TDRD3: variants seen among roughly 807,000 people sequenced by gnomAD.
TDRD3 encodes the protein tudor domain containing 3, also known as tudor domain-containing protein 3.
A neutral mutation model predicts 86.7 loss-of-function variants in TDRD3; 45 were observed. The observed-to-expected ratio is 0.52, with a 90% CI of 0.41 to 0.67. TDRD3 has a LOEUF of 0.67. TDRD3 is among the 30% of genes least tolerant of loss of function. TDRD3 has a pLI of 0.00. For synonymous variants in TDRD3, 298 were observed against 301.7 expected, an observed-to-expected ratio of 0.99 and a Z score of 0.13; for missense variants, 814 against 889.0, an observed-to-expected ratio of 0.92 and a Z score of 1.07.
intron 11 of TDRD3, among the ~76,000 whole-genome samples, chr13:60,531,464 A>G (rs1957580953): frequency 6.6e-6 from 1 of 152,176 alleles, no homozygotes; most frequent in South Asian, 2.1e-4. Flanking sequence ...TGCTCCTGTG[A>G]AAGGTTAAGG....
At chr13:60,436,178 T>A (rs1266833501) in intron 1 of TDRD3, among the ~76,000 whole-genome samples, 1 of 151,722 alleles carries the variant, frequency 6.6e-6, no homozygotes, top group Non-Finnish European at 1.5e-5. Flanking sequence ...TTTTGCATAG[T>A]TTGCAAATAT....
At chr13:60,518,329 C>CA (rs1957216629) in intron 10 of TDRD3, among the ~76,000 whole-genome samples, 1 of 152,220 alleles carries the variant, frequency 6.6e-6, no homozygotes, top group African/African-American at 2.4e-5. Context: ...TGCATCTTAA[C>CA]ACTGGAGGCT....
intron 10 of TDRD3, among the ~76,000 whole-genome samples, chr13:60,525,166 CT>C (rs71199006): frequency 0.075 from 4,217 of 55,974 alleles, no homozygotes; most frequent in South Asian, 0.11. Context: ...TAAGGGAATT[CT>C]TTTTTTTTTT....
At chr13:60,542,715 C>G (rs9538742) in intron 12 of TDRD3, among the ~76,000 whole-genome samples, 22,875 of 152,120 alleles carry the variant, frequency 0.15, 2,155 homozygotes, top group South Asian at 0.28. Context: ...TATGTCTCTA[C>G]TTAATACTAT....
intron 1 of TDRD3, among the ~76,000 whole-genome samples, chr13:60,405,599 T>C (rs1396966377): frequency 6.6e-6 from 1 of 151,974 alleles, no homozygotes; most frequent in African/African-American, 2.4e-5. Context: ...CTAGGGAGCA[T>C]GGTGAATACA....
intron 5 of TDRD3, among the ~76,000 whole-genome samples, chr13:60,475,732 G>A (rs960991149): frequency 3.3e-5 from 5 of 152,076 alleles, no homozygotes; most frequent in South Asian, 2.1e-4. Context: ...TTTAATAATA[G>A]CCATTCTGTT....
intron 7 of TDRD3, among the ~76,000 whole-genome samples, chr13:60,493,500 A>G (rs1956646319): frequency 1.3e-5 from 2 of 152,060 alleles, no homozygotes; most frequent in African/African-American, 4.8e-5. Context: ...CATCTCTACT[A>G]AAAATACAAA....
intron 10 of TDRD3, among the ~76,000 whole-genome samples, chr13:60,525,100 A>AC (rs1426460084): frequency 6.7e-6 from 1 of 149,464 alleles, no homozygotes; most frequent in South Asian, 2.1e-4. Flanking sequence ...AAAAAAAAAA[A>AC]AAAAAAAAAC....
chr13:60,511,042 T>C (rs184445612), intron 10 of TDRD3, among the ~76,000 whole-genome samples: 94 of 152,234 alleles, frequency 6.2e-4, no homozygotes, highest in African/African-American at 2.2e-3. Context: ...GGTTGTTGTG[T>C]TGGAAATTTA....
chr13:60,462,048 C>T (rs1955814823), intron 4 of TDRD3, among the ~76,000 whole-genome samples: 1 of 152,130 alleles, frequency 6.6e-6, no homozygotes, highest in Admixed American at 6.6e-5. Context: ...ATGAGGCCCC[C>T]TCCTCAGAAG....
At chr13:60,551,966 G>A (rs140039522) in intron 12 of TDRD3, among the ~76,000 whole-genome samples, 180 of 152,148 alleles carry the variant, frequency 1.2e-3, no homozygotes, top group African/African-American at 4.0e-3. Context: ...TCTCTCCCTC[G>A]ACATGTGGGG....
At chr13:60,437,654 G>A (rs905887305) in intron 1 of TDRD3, among the ~76,000 whole-genome samples, 4 of 151,030 alleles carry the variant, frequency 2.6e-5, no homozygotes, top group Non-Finnish European at 4.4e-5. Context: ...ATCTATTCTA[G>A]TTTATCTGAC....
intron 10 of TDRD3, among the ~76,000 whole-genome samples, chr13:60,524,863 C>T (rs1404778906): frequency 6.6e-6 from 1 of 151,616 alleles, no homozygotes; most frequent in Non-Finnish European, 1.5e-5. Context: ...CTTTGGGAGG[C>T]CTAGGCGGGT....
At chr13:60,448,573 C>A (rs1038583030) in intron 3 of TDRD3, among the ~76,000 whole-genome samples, 3 of 152,016 alleles carry the variant, frequency 2.0e-5, no homozygotes, top group Non-Finnish European at 4.4e-5. Flanking sequence ...ACAATTTTTT[C>A]CAGGCTTCCA....
At chr13:60,437,090 A>G (rs1195585535) in intron 1 of TDRD3, among the ~76,000 whole-genome samples, 1 of 138,560 alleles carries the variant, frequency 7.2e-6, no homozygotes, top group Non-Finnish European at 1.6e-5. Context: ...TCATATCACT[A>G]GTATCAGCAT....
chr13:60,556,836 AAGG>A (rs1220391495), intron 12 of TDRD3, among the ~76,000 whole-genome samples: 1 of 152,208 alleles, frequency 6.6e-6, no homozygotes, highest in African/African-American at 2.4e-5. Context: ...TTAATAGAAT[AAGG>A]AGAAGTAGAA....
At chr13:60,481,936 T>C (rs980391686) in intron 5 of TDRD3, among the ~76,000 whole-genome samples, 3 of 152,222 alleles carry the variant, frequency 2.0e-5, no homozygotes, top group African/African-American at 7.2e-5. Context: ...GTATTCAAGC[T>C]TTGAAAGGAG....
intron 13 of TDRD3, among the ~76,000 whole-genome samples, chr13:60,571,913 A>T (rs1348556140): frequency 6.6e-6 from 1 of 152,200 alleles, no homozygotes; most frequent in African/African-American, 2.4e-5. Flanking sequence ...AGTGGTGACA[A>T]GTCAGATATG....
At chr13:60,486,530 T>C (rs1291007620) in intron 7 of TDRD3, among the ~76,000 whole-genome samples, 2 of 152,230 alleles carry the variant, frequency 1.3e-5, no homozygotes, top group East Asian at 1.9e-4. Context: ...GTACATGTGA[T>C]ATTTTGATAC....
Sources: allele counts gnomAD v4.1 joint callset (sites outside exome capture counted in the v4.1 genomes callset), GRCh38; gene constraint gnomAD v4.1.1; transcripts MANE v1.5; gene names NCBI Gene and HGNC (gene_info 2026-07-23, HGNC 2026-07-21).